CASP8: variants seen among roughly 807,000 people sequenced by gnomAD.
CASP8 encodes the protein caspase 8, also known as caspase-8.
In CASP8, 24 loss-of-function variants were observed where a neutral mutation model predicts 46.3. That is an observed-to-expected ratio of 0.52 (90% CI 0.38 to 0.73). CASP8 has a LOEUF of 0.73. Among genes scored for constraint, CASP8 ranks in the 30% least tolerant of loss-of-function variants. The probability of loss-of-function intolerance (pLI) is 0.00; values close to 1 mark genes in which losing one functional copy is unlikely to be tolerated. For synonymous variants in CASP8, 188 were observed against 200.4 expected, an observed-to-expected ratio of 0.94 and a Z score of 0.52; for missense variants, 460 against 559.0, an observed-to-expected ratio of 0.82 and a Z score of 1.79.
At chr2:201,260,274 T>C (rs6754084), upstream of CASP8, among the ~76,000 whole-genome samples, 110,837 of 152,140 alleles carry the variant, frequency 0.73, 40,727 homozygotes, top group South Asian at 0.83. Flanking sequence ...CCAACGTCCT[T>C]GTTTTGGAAT....
Position 201,274,943 on chromosome 2 carries a change from GT to G in CASP8, c.651del (p.Ser217ArgfsTer12). 6.2e-7 allele frequency: 1 copy of G among 1,610,286 alleles called. No homozygotes were observed. The highest frequency in any genetic ancestry group is 8.5e-7 in the Non-Finnish European group (1 of 1,176,646). On this transcript the variant is annotated frameshift_variant, in exon 6 of 9. Coordinates refer to ENST00000673742, the MANE Select transcript of CASP8 (RefSeq NM_001372051.1). LOFTEE classifies it high-confidence loss of function. ...TCGGACTCTCCAAGAGAACAGGATAGTGAATCACAGGTAGACGGAAACCTCC... is the reference window on the plus strand; with the variant it reads ...TCGGACTCTCCAAGAGAACAGGATAGGAATCACAGGTAGACGGAAACCTCC... Reference protein sequence around the residue: ...TISDSPREQDSESQTLDKVYQ... With the variant: ...TISDSPREQDXESQTLDKVYQ...
chr2:201,273,041 T>C (rs1948381050), intron 5 of CASP8, 99 bp downstream of exon 5: 3 of 941,152 alleles, frequency 3.2e-6, no homozygotes, highest in Non-Finnish European at 5.0e-6. Context: ...CATCTTAACG[T>C]GCCTGCTCTA....
chr2:201,233,638 A>G (rs1945916725), intron 1 of CASP8: 1 of 152,172 alleles, frequency 6.6e-6, no homozygotes, highest in Admixed American at 6.5e-5. Flanking sequence ...ATTAAGCACT[A>G]TGTATATTGC....
At chr2:201,236,080 G>A (rs1198931032) in intron 2 of CASP8, among the ~76,000 whole-genome samples, 1 of 152,084 alleles carries the variant, frequency 6.6e-6, no homozygotes, top group African/African-American at 2.4e-5. Flanking sequence ...ATTAAGTGAC[G>A]TATGACTGTA....
intron 5 of CASP8, among the ~76,000 whole-genome samples, chr2:201,273,568 A>G (rs1222585200): frequency 1.3e-5 from 2 of 152,072 alleles, no homozygotes; most frequent in African/African-American, 4.8e-5. Flanking sequence ...CACCTTCTAC[A>G]CTAAGTCACT....
In CASP8 at chr2:201,266,509, A is replaced by G. The variant is rs895052255; in HGVS notation, c.23A>G (p.Tyr8Cys). The change falls in exon 2 of 9, where the codon TAT (tyrosine) becomes TGT (cysteine). Residue 8 changes from tyrosine to cysteine, a missense_variant. Physicochemically the swap from Tyr to Cys is radical, Grantham distance 194. Coordinates refer to ENST00000673742, the MANE Select transcript of CASP8 (RefSeq NM_001372051.1). This position sits in a 1 kb window ranked among gnomAD's most constrained non-coding sequence, Gnocchi z 5.7. Reference protein sequence around the residue: MDFSRNLYDIGEQLDSED... With the variant: MDFSRNLCDIGEQLDSED... ...AAGATGGACTTCAGCAGAAATCTTT[A>G]TGATATTGGGGAACAACTGGACAGT... is the stretch of plus-strand genomic sequence containing the variant. 3.1e-6 allele frequency: 5 copies of G among 1,614,138 alleles called. No individual in the cohort carries two copies. The highest frequency in any genetic ancestry group is 3.3e-4 in the Middle Eastern group (2 of 6,062).
At chr2:201,250,301 CA>C (rs1946720992) in intron 2 of CASP8, among the ~76,000 whole-genome samples, 1 of 152,196 alleles carries the variant, frequency 6.6e-6, no homozygotes, top group Non-Finnish European at 1.5e-5. Context: ...TTAAAATATT[CA>C]ATATGTCATT....
rs149192669 is a variant in CASP8 at position 201,236,259 on chromosome 2, A to G, written c.-27+2147A>G. Among the ~76,000 whole-genome samples the G allele has an allele frequency of 3.2e-4, 48 of 152,152 alleles. No homozygotes were observed. The East Asian group carries it at 6.6e-3, about 21-fold the overall frequency. ...CCTAGCCTTGCTTTAGCGGCATCCC[A>G]TGCATTTTGATATTTTGTTTTGATT... On this transcript the variant is annotated intron_variant, in intron 2 of 6. Transcript: ENST00000264274.
At chr2:201,276,435 GACATTC>G (rs911437904) in intron 6 of CASP8, among the ~76,000 whole-genome samples, 1 of 152,214 alleles carries the variant, frequency 6.6e-6, no homozygotes, top group African/African-American at 2.4e-5. Context: ...GGCAGCCAAA[GACATTC>G]ATTCATTCAG....
chr2:201,274,841 C>T, intron 5 of CASP8, 48 bp from the exon 6 acceptor site: 3 of 1,374,330 alleles, frequency 2.2e-6, no homozygotes, highest in Non-Finnish European at 3.1e-6. Context: ...TACCAGTGTA[C>T]CTTTCCTGCC....
upstream of CASP8, among the ~76,000 whole-genome samples, chr2:201,260,232 T>C (rs1947291716): frequency 6.6e-6 from 1 of 152,114 alleles, no homozygotes; most frequent in Admixed American, 6.6e-5. Context: ...ATCCTAAATA[T>C]GAAATGAAAG....
At chr2:201,244,958 C>T (rs1946447789) in intron 2 of CASP8, among the ~76,000 whole-genome samples, 1 of 152,182 alleles carries the variant, frequency 6.6e-6, no homozygotes, top group Admixed American at 6.5e-5. Context: ...AGACTGTTCC[C>T]CTGAGATGCA....
Position 201,266,824 on chromosome 2 carries a change from G to A in CASP8, c.305+33G>A. 1 of 1,563,356 alleles carries A rather than the reference G, an allele frequency of 6.4e-7. No individual in the cohort carries two copies. The highest frequency in any genetic ancestry group is 1.1e-5 in the South Asian group (1 of 88,566). On this transcript the variant is annotated intron_variant, in intron 2 of 8. Coordinates refer to ENST00000673742, the MANE Select transcript of CASP8 (RefSeq NM_001372051.1). The surrounding 1 kb of genome is among the most constrained non-coding windows in gnomAD (Gnocchi z 5.7). The stretch of plus-strand genomic sequence containing the variant: ...GAAACTCCCATTGTGGGACTGGGAG[G>A]TGTGGGTTGAATGGACAGCCTCTGA...
chr2:201,262,036 GT>G (rs1407622741), intron 1 of CASP8: 3 of 152,032 alleles, frequency 2.0e-5, no homozygotes, highest in African/African-American at 7.2e-5. Flanking sequence ...TTGTGGCTTT[GT>G]TATTATAAAA....
upstream of CASP8, chr2:201,258,499 G>A (rs1057142047): frequency 6.6e-6 from 8 of 1,210,664 alleles, no homozygotes; most frequent in African/African-American, 1.2e-4. Context: ...CTGCCCTTCT[G>A]AGGACACCTC....
At position 201,286,700 on chromosome 2, in the gene CASP8, C is replaced by T. The variant is rs1949578904; in HGVS notation, c.*106C>T. The T allele has an allele frequency of 1.0e-6, 1 of 992,968 alleles. No individual in the cohort carries two copies. The highest frequency in any genetic ancestry group is 1.6e-5 in the African/African-American group (1 of 61,808). The allele number at this position is 992,968 out of a possible 1,614,324, so 61.5% of individuals were successfully genotyped here. ...GCGTGATCTCGGCTCACCGCAAGCT[C>T]CGCCTCCCGGGTTCAGGCCATTCTC... On this transcript the variant is annotated 3_prime_UTR_variant, in exon 9 of 9. Coordinates refer to ENST00000673742, the MANE Select transcript of CASP8 (RefSeq NM_001372051.1).
intron 7 of CASP8, among the ~76,000 whole-genome samples, chr2:201,283,054 C>G (rs1949222678): frequency 1.5e-4 from 11 of 73,860 alleles, no homozygotes; most frequent in African/African-American, 4.1e-4. Context: ...GCTGACCCCC[C>G]CTCCCCCCTC....
intron 2 of CASP8, among the ~76,000 whole-genome samples, chr2:201,243,903 G>A (rs1946403239): frequency 6.6e-6 from 1 of 152,230 alleles, no homozygotes; most frequent in African/African-American, 2.4e-5. Flanking sequence ...AGGGAGTGAA[G>A]GGTCGGGGGG....
At chr2:201,284,570 G>A (rs1313770333) in intron 7 of CASP8, among the ~76,000 whole-genome samples, 1 of 78,034 alleles carries the variant, frequency 1.3e-5, no homozygotes, top group Non-Finnish European at 3.0e-5. Flanking sequence ...GCAGGCACTC[G>A]GCAGGCTGAG....
Sources: allele counts gnomAD v4.1 joint callset (sites outside exome capture counted in the v4.1 genomes callset), GRCh38; gene constraint gnomAD v4.1.1; non-coding constraint Gnocchi (gnomAD v3.1); transcripts MANE v1.5; gene names NCBI Gene and HGNC (gene_info 2026-07-23, HGNC 2026-07-21).